Variants in CTCF observed in about 807,000 individuals in gnomAD.
The protein encoded by CTCF is CCCTC-binding factor.
A neutral mutation model predicts 72.3 loss-of-function variants in CTCF; 7 were observed. The observed-to-expected ratio is 0.10, with a 90% CI of 0.06 to 0.18. CTCF has a LOEUF of 0.18. CTCF is among the 10% of genes least tolerant of loss of function. The pLI is 1.00. For missense variants in CTCF, 516 were observed against 949.1 expected (o/e 0.54, Z 6.00); for synonymous variants, 374 against 315.8 (o/e 1.18, Z -1.95).
chr16:67,605,327 G>A (rs978957897), intron 2 of CTCF, among the ~76,000 whole-genome samples: 1 of 152,112 alleles, frequency 6.6e-6, no homozygotes, highest in Non-Finnish European at 1.5e-5. Flanking sequence ...TAATTTATAG[G>A]TGAATTATAA....
At position 67,629,746 on chromosome 16, in the gene CTCF, C is replaced by CTTTTTTTTTTT. The variant is rs71145978; in HGVS notation, c.1837+249_1837+259dup. Among the ~76,000 whole-genome samples, 20 of 63,356 alleles carry CTTTTTTTTTTT rather than the reference C, an allele frequency of 3.2e-4. 6 individuals carry two copies. Among genetic ancestry groups the CTTTTTTTTTTT allele is most frequent in the East Asian group, 1.1e-3 (2 of 1,868 alleles). The allele number at this position is 63,356 out of a possible 152,430, so 41.6% of individuals were successfully genotyped here. A position where few individuals can be genotyped will look rare whatever the true frequency, so the allele number is the denominator to read the frequency against. ...TCGTGGCATTCCGCTCATTAATGCCCTTTTTTTTTTTTTTTTTTTTTTTTT... is the reference window on the plus strand; with the variant it reads ...TCGTGGCATTCCGCTCATTAATGCCCTTTTTTTTTTTTTTTTTTTTTTTTTTTTTTTTTTTT... On this transcript the variant is annotated intron_variant, in intron 10 of 11. Transcript: ENST00000264010.
At chr16:67,599,022 A>C (rs2051851809) in intron 2 of CTCF, among the ~76,000 whole-genome samples, 1 of 152,216 alleles carries the variant, frequency 6.6e-6, no homozygotes, top group Non-Finnish European at 1.5e-5. Context: ...TAAATCGTGC[A>C]TTGGGGTTGA....
In CTCF at chr16:67,638,910, G is replaced by T; in HGVS notation, c.*1038G>T. The stretch of plus-strand genomic sequence containing the variant: ...AAAAAGTGATTCTTGCACATGAACT[G>T]TCACATGTTTAAAAATGTGTTTTTT... On this transcript the variant is annotated 3_prime_UTR_variant, in exon 12 of 12. Coordinates refer to ENST00000264010, the MANE Select transcript of CTCF (RefSeq NM_006565.4). 1 of 205,800 alleles carries T rather than the reference G, an allele frequency of 4.9e-6. No homozygotes were observed. Among genetic ancestry groups the T allele is most frequent in the Non-Finnish European group, 1.0e-5 (1 of 100,374 alleles). The allele number at this position is 205,800 out of a possible 1,614,324, so 12.7% of individuals were successfully genotyped here.
chr16:67,629,634 C>T, intron 10 of CTCF, 101 bp downstream of exon 10: 1 of 1,172,428 alleles, frequency 8.5e-7, no homozygotes, highest in Non-Finnish European at 1.2e-6. Context: ...GGCGGGCACA[C>T]ACTCTTCCTT....
intron 1 of CTCF, chr16:67,563,396 C>G (rs560773232): frequency 6.6e-6 from 1 of 152,328 alleles, no homozygotes; most frequent in African/African-American, 2.4e-5. Flanking sequence ...GTGGCGCAGG[C>G]GGCGCTGCAG....
At chr16:67,580,826 G>C (rs1206816870) in intron 2 of CTCF, among the ~76,000 whole-genome samples, 2 of 149,322 alleles carry the variant, frequency 1.3e-5, no homozygotes, top group Non-Finnish European at 2.9e-5. Context: ...ATGTTGGCCA[G>C]GCTGGTCTAG....
At chr16:67,634,497 C>G (rs1450826263) in intron 10 of CTCF, among the ~76,000 whole-genome samples, 1 of 147,950 alleles carries the variant, frequency 6.8e-6, no homozygotes, top group African/African-American at 2.5e-5. Context: ...CGTGAGCCAC[C>G]ATGCCCAGCC....
chr16:67,574,874 G>A (rs1273341248), intron 2 of CTCF, among the ~76,000 whole-genome samples: 2 of 144,690 alleles, frequency 1.4e-5, no homozygotes, highest in Non-Finnish European at 3.0e-5. Flanking sequence ...AGCCAGGATG[G>A]TCTTGATCTC....
chr16:67,611,236 A>G lies in CTCF; in HGVS notation c.404A>G (p.Gln135Arg), dbSNP rs1457186969. 1 of 1,614,198 alleles carries G rather than the reference A, an allele frequency of 6.2e-7. No homozygotes were observed. Among genetic ancestry groups the G allele is most frequent in the Admixed American group, 1.7e-5 (1 of 60,020 alleles). ...GCTACCACTTCAGTAGAAGAACTTC[A>G]GGGGGCTTATGAAAATGAAGTGTCT... The part of the protein sequence containing the change: ...PVATTSVEEL[Q>R]GAYENEVSKE... Residue 135 changes from glutamine to arginine, a missense_variant, in exon 3 of 12, where the codon CAG becomes CGG. This residue lies in a region of CTCF where 148 missense variants were observed against 194.9 expected (regional missense o/e 0.76). Coordinates refer to ENST00000264010, the MANE Select transcript of CTCF (RefSeq NM_006565.4).
At chr16:67,623,001 AC>A (rs1173842795) in intron 7 of CTCF, among the ~76,000 whole-genome samples, 1 of 148,212 alleles carries the variant, frequency 6.7e-6, no homozygotes, top group Non-Finnish European at 1.5e-5. Flanking sequence ...TGCACTTGTC[AC>A]CCAGGCCAGA....
rs1597713993 is a variant in CTCF, at chr16:67,611,485, G to A, written c.653G>A (p.Gly218Asp). 6.2e-7 allele frequency: 1 copy of A among 1,614,178 alleles called. No homozygotes were observed. Residue 218 changes from glycine to aspartate, a missense_variant, in exon 3 of 12, where the codon GGC becomes GAC. Physicochemically the swap from Gly to Asp is moderately conservative, Grantham distance 94. This residue lies in a region of CTCF where 53 missense variants were observed against 63.6 expected (regional missense o/e 0.83). Transcript: ENST00000264010. ...AGCAAACTGCGTTATACAGAGGAGG[G>A]CAAAGATGTAGATGTGTCTGTCTAC... ...KKSKLRYTEE[G>D]KDVDVSVYDF...
chr16:67,592,879 T>C (rs920978029), intron 2 of CTCF, among the ~76,000 whole-genome samples: 10 of 151,314 alleles, frequency 6.6e-5, no homozygotes, highest in Non-Finnish European at 1.2e-4. Flanking sequence ...ATACAAAAAT[T>C]AGCGGGGCAC....
chr16:67,590,350 A>C (rs1029903879), intron 2 of CTCF, among the ~76,000 whole-genome samples: 1 of 152,054 alleles, frequency 6.6e-6, no homozygotes, highest in Non-Finnish European at 1.5e-5. Flanking sequence ...TGTTTTGACC[A>C]TACCCTTTAA....
chr16:67,581,341 T>G (rs1369577252), intron 2 of CTCF, among the ~76,000 whole-genome samples: 1 of 151,566 alleles, frequency 6.6e-6, no homozygotes, highest in East Asian at 1.9e-4. Flanking sequence ...TTTTTTTTTT[T>G]TGAGACAGTC....
chr16:67,593,924 G>T (rs781780051), intron 2 of CTCF, among the ~76,000 whole-genome samples: 3 of 152,046 alleles, frequency 2.0e-5, no homozygotes, highest in Non-Finnish European at 4.4e-5. Flanking sequence ...ATAAAAGGTT[G>T]TTTTGGTTGT....
At chr16:67,615,143 C>CA (rs777175440) in intron 4 of CTCF, 3 of 151,700 alleles carry the variant, frequency 2.0e-5, no homozygotes, top group Admixed American at 6.6e-5. Flanking sequence ...GACTCCGTCT[C>CA]AAAAAAAAGA....
At chr16:67,599,163 G>A (rs1365939494) in intron 2 of CTCF, among the ~76,000 whole-genome samples, 1 of 152,164 alleles carries the variant, frequency 6.6e-6, no homozygotes, top group Non-Finnish European at 1.5e-5. Flanking sequence ...TTGGGAGGCC[G>A]AGGCTGGTGG....
At chr16:67,569,359 T>C (rs936389311) in intron 1 of CTCF, among the ~76,000 whole-genome samples, 2 of 151,744 alleles carry the variant, frequency 1.3e-5, no homozygotes, top group Admixed American at 6.6e-5. Context: ...CTAATTTTTG[T>C]ATTTTTAGTA....
Position 67,616,833 on chromosome 16 carries a change from C to A in CTCF, c.1041C>A (p.His347Gln). Reference protein sequence around the residue: ...LVRHRRYKHTHEKPFKCSMCD... With the variant: ...LVRHRRYKHTQEKPFKCSMCD... The stretch of plus-strand genomic sequence containing the variant: ...GGCATCGTCGTTACAAACACACCCA[C>A]GAGAAGCCATTCAAGTGTTCCATGT... Residue 347 changes from histidine to glutamine, a missense_variant, in exon 5 of 12, where the codon CAC becomes CAA. Coordinates refer to ENST00000264010, the MANE Select transcript of CTCF (RefSeq NM_006565.4). 1 of 1,614,088 alleles carries A rather than the reference C, an allele frequency of 6.2e-7. No homozygotes were observed. The highest frequency in any genetic ancestry group is 8.5e-7 in the Non-Finnish European group (1 of 1,180,014).
Sources: gnomAD v4.1 joint callset for allele counts (sites outside exome capture counted in the v4.1 genomes callset) on GRCh38, gnomAD v4.1.1 for gene constraint, gnomAD v4.1.1 regional missense constraint, MANE v1.5 for transcripts, NCBI Gene and HGNC (gene_info 2026-07-23, HGNC 2026-07-21) for gene names.